INSC: variants seen among roughly 807,000 people sequenced by gnomAD.
INSC encodes protein inscuteable homolog.
A neutral mutation model predicts 58.6 loss-of-function variants in INSC; 67 were observed. The ratio of observed to expected loss-of-function variants is 1.14; its 90% confidence interval spans 0.94 to 1.40. The LOEUF is 1.40. Among genes scored for constraint, INSC ranks in the 40% most tolerant of loss-of-function variants. The pLI is 0.00. For synonymous variants in INSC, 262 were observed against 276.1 expected (o/e 0.95, Z 0.51); for missense variants, 714 against 692.0 (o/e 1.03, Z -0.36).
chr11:15,187,599 C>T (rs1440135900), intron 5 of INSC, among the ~76,000 whole-genome samples: 1 of 152,198 alleles, frequency 6.6e-6, no homozygotes, highest in African/African-American at 2.4e-5. Flanking sequence ...TTCAGATTGA[C>T]AGACAATGAA....
At chr11:15,133,077 A>T (rs1404526641) in intron 1 of INSC, among the ~76,000 whole-genome samples, 1 of 152,146 alleles carries the variant, frequency 6.6e-6, no homozygotes, top group Non-Finnish European at 1.5e-5. Context: ...TCAGCCACTG[A>T]TTCTTTGAAT....
chr11:15,198,196 C>A (rs929189696), intron 6 of INSC, among the ~76,000 whole-genome samples: 7 of 152,124 alleles, frequency 4.6e-5, no homozygotes, highest in African/African-American at 1.7e-4. Flanking sequence ...AATCAGGTAC[C>A]AGGCCTTTCC....
At chr11:15,184,310 AT>A (rs1282820887) in intron 5 of INSC, 86 of 152,290 alleles carry the variant, frequency 5.6e-4, no homozygotes, top group Middle Eastern at 6.6e-3. Flanking sequence ...CAGTTTTTGG[AT>A]TTTTTTTTTC....
rs191006211 is a variant in INSC, at chr11:15,231,746, T to G, written c.1171-3856T>G. Among the ~76,000 whole-genome samples, 406 of 152,368 alleles carry G rather than the reference T, an allele frequency of 2.7e-3. 2 individuals are homozygous for G. Among genetic ancestry groups the G allele is most frequent in the African/African-American group, 8.9e-3 (371 of 41,588 alleles). On this transcript the variant is annotated intron_variant, in intron 9 of 12. Transcript: ENST00000379556. ...CATGAAATATATGCCAGGCTTTCTT[T>G]GTTGAAAGTTCTTTAGATCAGAGCA... is the stretch of plus-strand genomic sequence containing the variant.
At chr11:15,114,837 C>G (rs986992095), upstream of INSC, 156 of 715,232 alleles carry the variant, frequency 2.2e-4, 1 homozygote, top group Non-Finnish European at 2.4e-4. Context: ...CTGCGACCGC[C>G]TCGGAGAGGG....
chr11:15,246,690 A>G lies in INSC; in HGVS notation c.*650A>G, dbSNP rs1852577369. ...AGTGACTTAGTGAGAAACCAAAGTG[A>G]CTTTCAAAAATACACCCAAAGGCAC... On this transcript the variant is annotated 3_prime_UTR_variant, in exon 13 of 13. Coordinates refer to ENST00000379556, the MANE Select transcript of INSC (RefSeq NM_001042536.3). 6.6e-6 allele frequency: 1 copy of G among 152,406 alleles called. No homozygotes were observed. The highest frequency in any genetic ancestry group is 6.5e-5 in the Admixed American group (1 of 15,284). 9.4% of individuals were successfully genotyped at this position (152,406 alleles called of 1,614,324 possible).
chr11:15,141,142 C>A (rs1848361160), intron 1 of INSC, among the ~76,000 whole-genome samples: 1 of 152,098 alleles, frequency 6.6e-6, no homozygotes, highest in Non-Finnish European at 1.5e-5. Flanking sequence ...CCTACTAGTT[C>A]TCATACTCTG....
chr11:15,248,689 G>C (rs1852618295), downstream of INSC, among the ~76,000 whole-genome samples: 1 of 152,198 alleles, frequency 6.6e-6, no homozygotes, highest in African/African-American at 2.4e-5. Context: ...AACTGGAAGA[G>C]ATTAAAGGAG....
At position 15,240,774 on chromosome 11, in the gene INSC, A is replaced by T. The variant is rs769456551; in HGVS notation, c.1470+251A>T. On this transcript the variant is annotated intron_variant, in intron 12 of 12. Coordinates refer to ENST00000379556, the MANE Select transcript of INSC (RefSeq NM_001042536.3). ...AACTCCCTCTTCCCTCTGTTCTACC[A>T]CTACAATTTTAGGAACCAGGAACCT... Among the ~76,000 whole-genome samples, 44 of 152,198 alleles carry T rather than the reference A, an allele frequency of 2.9e-4. 1 individual carries two copies. Among genetic ancestry groups the T allele is most frequent in the Non-Finnish European group, 1.0e-4 (7 of 68,038 alleles).
intron 6 of INSC, among the ~76,000 whole-genome samples, chr11:15,197,399 T>C (rs1850412276): frequency 1.3e-5 from 2 of 152,180 alleles, no homozygotes; most frequent in Admixed American, 6.5e-5. Flanking sequence ...ATTCCTCCCA[T>C]AGAATTACTG....
At chr11:15,193,513 T>A (rs10832370) in intron 6 of INSC, among the ~76,000 whole-genome samples, 47,959 of 152,112 alleles carry the variant, frequency 0.32, 7,896 homozygotes, top group Middle Eastern at 0.36. Context: ...CTCATTGTTC[T>A]GTTCCCACCT....
chr11:15,172,831 G>A (rs1471277997), intron 2 of INSC, among the ~76,000 whole-genome samples: 1 of 152,070 alleles, frequency 6.6e-6, no homozygotes, highest in Non-Finnish European at 1.5e-5. Flanking sequence ...TGTGTGAGAA[G>A]GGAGGCTGGG....
In INSC at chr11:15,199,476, G is replaced by A. The variant is rs118141565; in HGVS notation, c.694-1348G>A. 6.6e-5 allele frequency among the ~76,000 whole-genome samples: 10 copies of A among 152,286 alleles called. No individual in the cohort carries two copies. In the East Asian group the frequency reaches 1.9e-3, roughly 29 times the overall value. ...GGAAGATCTGGAATTGAGCTATTTT[G>A]GTGAACCCGTGCTGGGCTTCTTCTT... On this transcript the variant is annotated intron_variant, in intron 6 of 12. Transcript: ENST00000379556.
intron 1 of INSC, among the ~76,000 whole-genome samples, chr11:15,120,982 T>C (rs1847858078): frequency 6.6e-6 from 1 of 151,662 alleles, no homozygotes; most frequent in South Asian, 2.1e-4. Context: ...TTTTATTATT[T>C]GCATATATTT....
intron 1 of INSC, among the ~76,000 whole-genome samples, chr11:15,135,829 C>T (rs1242395337): frequency 2.0e-5 from 3 of 152,144 alleles, no homozygotes; most frequent in Admixed American, 1.3e-4. Context: ...AATTTATTGG[C>T]TTACAGTTCT....
intron 7 of INSC, among the ~76,000 whole-genome samples, chr11:15,203,410 A>AG (rs1412484889): frequency 6.6e-6 from 1 of 152,210 alleles, no homozygotes; most frequent in Non-Finnish European, 1.5e-5. Flanking sequence ...CAGGCACTGA[A>AG]GAGGAATAAG....
chr11:15,175,614 T>C (rs1035034960), intron 2 of INSC, 127 bp from the exon 3 acceptor site: 18 of 583,332 alleles, frequency 3.1e-5, no homozygotes, highest in African/African-American at 2.6e-4. Flanking sequence ...AATATCAAGG[T>C]GCATGAATGG....
At chr11:15,268,207 A>G in the INSC span, among the ~76,000 whole-genome samples, 1 of 152,058 alleles carries the variant, frequency 6.6e-6, no homozygotes, top group Non-Finnish European at 1.5e-5. Flanking sequence ...ATATTTTTCC[A>G]AGATTTCAAT....
chr11:15,147,910 G>A (rs117621770), intron 1 of INSC, among the ~76,000 whole-genome samples: 45 of 152,318 alleles, frequency 3.0e-4, no homozygotes, highest in Admixed American at 6.5e-4. Flanking sequence ...GTGTAATCAT[G>A]GAGTAAGACT....
Sources: allele counts gnomAD v4.1 joint callset (sites outside exome capture counted in the v4.1 genomes callset), GRCh38; gene constraint gnomAD v4.1.1; transcripts MANE v1.5; gene names NCBI Gene and HGNC (gene_info 2026-07-23, HGNC 2026-07-21).